DLG2: variants seen among roughly 807,000 people sequenced by gnomAD.
DLG2 encodes the protein discs large MAGUK scaffold protein 2.
In DLG2, 45 loss-of-function variants were observed where a neutral mutation model predicts 132.5. That is an observed-to-expected ratio of 0.34 (90% CI 0.27 to 0.44). The LOEUF (loss-of-function observed/expected upper bound fraction) is 0.44. Ranked by LOEUF, DLG2 falls within the 20% of genes least tolerant of loss-of-function variation. The pLI is 1.00. For missense variants in DLG2, 1,045 were observed against 1,196.9 expected, an observed-to-expected ratio of 0.87 and a Z score of 1.87; for synonymous variants, 424 against 419.6, an observed-to-expected ratio of 1.01 and a Z score of -0.13.
chr11:85,023,916 A>T (rs2060293647), intron 6 of DLG2, among the ~76,000 whole-genome samples: 1 of 152,172 alleles, frequency 6.6e-6, no homozygotes, highest in African/African-American at 2.4e-5. Context: ...TAGATTGGTA[A>T]ACAAATAAAG....
intron 3 of DLG2, among the ~76,000 whole-genome samples, chr11:85,428,193 C>G (rs1298977916): frequency 1.3e-5 from 2 of 152,128 alleles, no homozygotes; most frequent in Non-Finnish European, 2.9e-5. Context: ...CTATAACACC[C>G]CACTGTCAAC....
At chr11:83,741,415 T>C (rs2092500328) in intron 18 of DLG2, among the ~76,000 whole-genome samples, 1 of 152,152 alleles carries the variant, frequency 6.6e-6, no homozygotes, top group South Asian at 2.1e-4. Context: ...CTAAAGACTC[T>C]ACCAAAAGGC....
chr11:84,149,187 T>A (rs1448350763), intron 9 of DLG2, among the ~76,000 whole-genome samples: 1 of 152,162 alleles, frequency 6.6e-6, no homozygotes, highest in Non-Finnish European at 1.5e-5. Context: ...ATTCCCTTGA[T>A]AGTTTCTCTG....
At chr11:84,223,526 T>G (rs533751063) in intron 8 of DLG2, among the ~76,000 whole-genome samples, 1 of 151,446 alleles carries the variant, frequency 6.6e-6, no homozygotes, top group African/African-American at 2.4e-5. Context: ...GTCTTTCTCA[T>G]AAGATCATTA....
chr11:84,941,698 T>A (rs1296265302), intron 6 of DLG2, among the ~76,000 whole-genome samples: 1 of 115,254 alleles, frequency 8.7e-6, no homozygotes, highest in Non-Finnish European at 2.0e-5. Context: ...TTTCTTTCTC[T>A]TTTTTTTTTT....
At chr11:85,293,671 G>C (rs1459507153) in intron 3 of DLG2, among the ~76,000 whole-genome samples, 1 of 152,076 alleles carries the variant, frequency 6.6e-6, no homozygotes, top group Non-Finnish European at 1.5e-5. Flanking sequence ...AACTAAACAG[G>C]CATGACAATT....
chr11:85,069,908 G>A (rs1340077458), intron 6 of DLG2, among the ~76,000 whole-genome samples: 2 of 152,116 alleles, frequency 1.3e-5, no homozygotes. Context: ...CAACCCAAGT[G>A]TCCATCAATG....
chr11:85,454,755 C>T (rs1169306398), intron 3 of DLG2, among the ~76,000 whole-genome samples: 2 of 152,138 alleles, frequency 1.3e-5, no homozygotes, highest in Non-Finnish European at 2.9e-5. Context: ...ATATTGCTAG[C>T]CAGTTATCCC....
At chr11:84,251,641 CTTT>C (rs148681429) in intron 7 of DLG2, among the ~76,000 whole-genome samples, 1 of 140,158 alleles carries the variant, frequency 7.1e-6, no homozygotes, top group Non-Finnish European at 1.5e-5. Flanking sequence ...TCTTTTCTTT[CTTT>C]TTTTTTTTTT....
intron 7 of DLG2, among the ~76,000 whole-genome samples, chr11:84,401,187 T>C (rs1289001165): frequency 2.0e-5 from 3 of 152,160 alleles, no homozygotes; most frequent in African/African-American, 7.2e-5. Flanking sequence ...AAGACCTGCA[T>C]AGACCAGCTT....
chr11:85,566,359 G>A (rs2077524946), intron 3 of DLG2, among the ~76,000 whole-genome samples: 1 of 151,938 alleles, frequency 6.6e-6, no homozygotes, highest in South Asian at 2.1e-4. Flanking sequence ...TTCTTTTCCT[G>A]CTTGTGCTTT....
chr11:84,746,879 G>A (rs888931615), intron 6 of DLG2, among the ~76,000 whole-genome samples: 19 of 152,124 alleles, frequency 1.2e-4, no homozygotes, highest in African/African-American at 4.6e-4. Flanking sequence ...AACTGTGGCA[G>A]TTCTAGACTT....
chr11:83,578,338 A>G (rs1007704537), intron 19 of DLG2, among the ~76,000 whole-genome samples: 1 of 151,958 alleles, frequency 6.6e-6, no homozygotes, highest in Admixed American at 6.6e-5. Flanking sequence ...TAAACCTCCA[A>G]ACAGACATGC....
intron 7 of DLG2, among the ~76,000 whole-genome samples, chr11:84,488,781 T>G (rs1254504941): frequency 2.6e-5 from 4 of 152,146 alleles, no homozygotes; most frequent in Non-Finnish European, 5.9e-5. Context: ...TCAAAAGACC[T>G]GGTAAAACTA....
intron 11 of DLG2, among the ~76,000 whole-genome samples, chr11:84,003,461 T>A (rs2094447265): frequency 1.3e-5 from 2 of 152,162 alleles, no homozygotes. Flanking sequence ...AGGAAAGAAG[T>A]TTAATTGACT....
chr11:85,007,690 A>T (rs1269218985), intron 6 of DLG2, among the ~76,000 whole-genome samples: 7 of 145,486 alleles, frequency 4.8e-5, no homozygotes, highest in Non-Finnish European at 9.1e-5. Flanking sequence ...AAAAAAAAAA[A>T]GAAAAGAAAA....
intron 14 of DLG2, among the ~76,000 whole-genome samples, chr11:83,940,773 G>C (rs559458543): frequency 1.8e-4 from 28 of 152,306 alleles, no homozygotes; most frequent in Admixed American, 1.6e-3. Context: ...TAAGACATGT[G>C]ATCTTGGGCA....
chr11:83,800,774 A>C (rs959482403), intron 17 of DLG2, among the ~76,000 whole-genome samples: 3 of 152,220 alleles, frequency 2.0e-5, no homozygotes, highest in African/African-American at 7.2e-5. Flanking sequence ...TTGGCTGTCC[A>C]AACCCAGCTT....
chr11:84,045,765 CA>C (rs2096229235), intron 11 of DLG2, among the ~76,000 whole-genome samples: 1 of 150,690 alleles, frequency 6.6e-6, no homozygotes, highest in Non-Finnish European at 1.5e-5. Flanking sequence ...TTCTCTACAG[CA>C]AAATAAAGGG....
Sources: gnomAD v4.1 joint callset for allele counts (sites outside exome capture counted in the v4.1 genomes callset) on GRCh38, gnomAD v4.1.1 for gene constraint, MANE v1.5 for transcripts, NCBI Gene and HGNC (gene_info 2026-07-23, HGNC 2026-07-21) for gene names.